Variants in GRIN2D observed in about 807,000 individuals in gnomAD.
The protein encoded by GRIN2D is glutamate ionotropic receptor NMDA type subunit 2D.
GRIN2D carries 37 observed loss-of-function variants against 103.2 expected under a neutral mutation model. The observed-to-expected ratio is 0.36, with a 90% CI of 0.28 to 0.47. The LOEUF (loss-of-function observed/expected upper bound fraction) is 0.47. Ranked by LOEUF, GRIN2D falls within the 20% of genes least tolerant of loss-of-function variation. The probability of loss-of-function intolerance (pLI) is 1.00; values close to 1 mark genes in which losing one functional copy is unlikely to be tolerated. For synonymous variants in GRIN2D, 845 were observed against 885.6 expected (o/e 0.95, Z 0.81); for missense variants, 1,557 against 1,910.6 (o/e 0.81, Z 3.45).
rs562311802 is a variant in GRIN2D at position 48,402,128 on chromosome 19, G to T, written c.466-2606G>T. Among the ~76,000 whole-genome samples, 17 of 132,304 alleles carry T rather than the reference G, an allele frequency of 1.3e-4. No homozygotes were observed. In the South Asian group the frequency reaches 2.6e-3, roughly 20 times the overall value. The allele number at this position is 132,304 out of a possible 152,430, so 86.8% of individuals were successfully genotyped here. On this transcript the variant is annotated intron_variant, in intron 3 of 13. Transcript: ENST00000263269. ...AGAGAAAGAGAAGGAAAGAAAGAAA[G>T]AAAGAAAGAAAGAAAGAAAGAAAGA...
chr19:48,441,694 G>A, intron 11 of GRIN2D, 75 bp from the exon 12 acceptor site: 1 of 1,228,042 alleles, frequency 8.1e-7, no homozygotes, highest in South Asian at 1.4e-5. Context: ...GAGGTTACAG[G>A]TGAGGAGGTT....
At chr19:48,401,550 G>A (rs1970710910) in intron 3 of GRIN2D, among the ~76,000 whole-genome samples, 1 of 152,194 alleles carries the variant, frequency 6.6e-6, no homozygotes, top group African/African-American at 2.4e-5. Context: ...GCAGGAAGGA[G>A]CTTGATGTAT....
chr19:48,419,539 T>C (rs745421918), intron 9 of GRIN2D, 46 bp from the exon 10 acceptor site: 6 of 1,470,672 alleles, frequency 4.1e-6, no homozygotes, highest in African/African-American at 2.8e-5. Flanking sequence ...CCCTTCCTTA[T>C]TGAGAAGGGA....
Position 48,394,705 on chromosome 19 carries a change from T to C in GRIN2D, c.-258T>C, listed in dbSNP as rs1970615212. Among the ~76,000 whole-genome samples, 1 of 152,038 alleles carries C rather than the reference T, an allele frequency of 6.6e-6. No individual in the cohort carries two copies. Among genetic ancestry groups the C allele is most frequent in the Admixed American group, 6.5e-5 (1 of 15,280 alleles). Reference sequence around the variant, plus strand: ...TCGCCTAGTCCAGGTGGCCGCAACCTTGGGGGAGAGACAGGGCAGGACAGG... The same window carrying C: ...TCGCCTAGTCCAGGTGGCCGCAACCCTGGGGGAGAGACAGGGCAGGACAGG... On this transcript the variant is annotated 5_prime_UTR_variant, in exon 2 of 14. Coordinates refer to ENST00000263269, the MANE Select transcript of GRIN2D (RefSeq NM_000836.4). This position sits in a 1 kb window ranked among gnomAD's most constrained non-coding sequence, Gnocchi z 5.1.
chr19:48,402,585 C>T (rs1013183116), intron 3 of GRIN2D, among the ~76,000 whole-genome samples: 3 of 151,054 alleles, frequency 2.0e-5, no homozygotes, highest in Non-Finnish European at 4.4e-5. Context: ...GGCGCAGTGG[C>T]GGGCGCCTGT....
In GRIN2D at chr19:48,442,024, A is replaced by G. The variant is rs2147475119; in HGVS notation, c.2440+68A>G. The stretch of plus-strand genomic sequence containing the variant: ...GCGAGGCCCCTGGGTTCCGGGGAAG[A>G]AAGGGACAAAGACCCGGACACCAGG... On this transcript the variant is annotated intron_variant, in intron 12 of 13. Transcript: ENST00000263269. This position sits in a 1 kb window ranked among gnomAD's most constrained non-coding sequence, Gnocchi z 7.2. 2.0e-6 allele frequency: 3 copies of G among 1,523,184 alleles called. No individual in the cohort carries two copies. The South Asian group carries it at 3.5e-5, about 18-fold the overall frequency. 94.4% of individuals were successfully genotyped at this position (1,523,184 alleles called of 1,614,324 possible). A position where few individuals can be genotyped will look rare whatever the true frequency, so the allele number is the denominator to read the frequency against.
At chr19:48,424,423 A>C (rs755952229) in intron 11 of GRIN2D, among the ~76,000 whole-genome samples, 99 of 150,792 alleles carry the variant, frequency 6.6e-4, no homozygotes, top group Non-Finnish European at 1.3e-3. Flanking sequence ...GGCGCCCACC[A>C]CCACGCCCAG....
chr19:48,408,106 G>A (rs896778007), intron 4 of GRIN2D, among the ~76,000 whole-genome samples: 20 of 152,068 alleles, frequency 1.3e-4, no homozygotes, highest in Admixed American at 5.2e-4. Flanking sequence ...AGGCCGAGGC[G>A]GGCGGATCAC....
chr19:48,404,270 G>A (rs944662322), intron 3 of GRIN2D, among the ~76,000 whole-genome samples: 9 of 150,420 alleles, frequency 6.0e-5, no homozygotes, highest in African/African-American at 2.2e-4. Context: ...CCAAACAGGT[G>A]TTCCTGATTG....
At position 48,419,612 on chromosome 19, in the gene GRIN2D, G is replaced by A; in HGVS notation, c.1889G>A (p.Gly630Glu). The A allele has an allele frequency of 1.2e-6, 2 of 1,613,586 alleles. No homozygotes were observed. Among genetic ancestry groups the A allele is most frequent in the Non-Finnish European group, 1.7e-6 (2 of 1,179,902 alleles). ...CCTGGCGGTTCAACCTTCACCATTG[G>A]GAAATCCATCTGGCTGCTCTGGGCC... ...KRPGGSTFTI[G>E]KSIWLLWALV... The change falls in exon 10 of 14, where the codon GGG becomes GAG. Residue 630 changes from glycine (G) to glutamate (E), a missense_variant. Gly to Glu is a moderately conservative substitution (Grantham distance 98). Coordinates refer to ENST00000263269, the MANE Select transcript of GRIN2D (RefSeq NM_000836.4).
rs138288378 is a variant in GRIN2D at position 48,394,181 on chromosome 19, CTGTG to C, written c.-306+323_-306+326del. Reference sequence around the variant, plus strand: ...CCTGGCCCCCATTAGACCCCCCACTCTGTGTGTGTGTGTCTGTGTGTGTGTCCCT... The same window carrying C: ...CCTGGCCCCCATTAGACCCCCCACTCTGTGTGTGTCTGTGTGTGTGTCCCT... On this transcript the variant is annotated intron_variant, in intron 1 of 13. Coordinates refer to ENST00000263269, the MANE Select transcript of GRIN2D (RefSeq NM_000836.4). The surrounding 1 kb of genome is among the most constrained non-coding windows in gnomAD (Gnocchi z 5.1). Among the ~76,000 whole-genome samples the C allele has an allele frequency of 2.0e-5, 3 of 151,556 alleles. No individual in the cohort carries two copies. In the East Asian group the frequency reaches 5.8e-4, roughly 29 times the overall value.
intron 11 of GRIN2D, among the ~76,000 whole-genome samples, chr19:48,432,893 T>C (rs1404704787): frequency 1.3e-4 from 19 of 146,510 alleles, no homozygotes; most frequent in African/African-American, 4.3e-4. Flanking sequence ...CGGGTTCAAG[T>C]GATTCTCCTG....
chr19:48,395,743 G>C (rs960294588), intron 2 of GRIN2D, among the ~76,000 whole-genome samples: 1 of 152,070 alleles, frequency 6.6e-6, no homozygotes, highest in African/African-American at 2.4e-5. Flanking sequence ...TCGGTGGGGG[G>C]GCACCCAGGA....
rs564870476 is a variant in GRIN2D, at chr19:48,394,320, G to A, written c.-305-338G>A. Among the ~76,000 whole-genome samples, 4 of 151,734 alleles carry A rather than the reference G, an allele frequency of 2.6e-5. No homozygotes were observed. The highest frequency in any genetic ancestry group is 9.7e-5 in the African/African-American group (4 of 41,328). On this transcript the variant is annotated intron_variant, in intron 1 of 13. Coordinates refer to ENST00000263269, the MANE Select transcript of GRIN2D (RefSeq NM_000836.4). This position sits in a 1 kb window ranked among gnomAD's most constrained non-coding sequence, Gnocchi z 5.1. ...TGTTTGAGAGTGGGGGAGTCAAGGG[G>A]GGGTCTAGAGGTGGCCAAGCGAGGA...
intron 7 of GRIN2D, among the ~76,000 whole-genome samples, 158 bp downstream of exon 7, chr19:48,415,190 G>A (rs1000396161): frequency 2.6e-5 from 4 of 152,152 alleles, no homozygotes; most frequent in African/African-American, 9.6e-5. Context: ...GGGCAAAACG[G>A]TGAAACCCCG....
Position 48,419,406 on chromosome 19 carries a change from A to C in GRIN2D, c.1861+47A>C, listed in dbSNP as rs779532285. 3.8e-6 allele frequency: 6 copies of C among 1,572,450 alleles called. No homozygotes were observed. The African/African-American group carries it at 5.5e-5, about 14-fold the overall frequency. ...CCCCGCCTCGGAGATCCCGAACCAC[A>C]GAGACAGAGAACTACATTTCCCAGC... On this transcript the variant is annotated intron_variant, in intron 9 of 13. Coordinates refer to ENST00000263269, the MANE Select transcript of GRIN2D (RefSeq NM_000836.4).
chr19:48,432,712 G>A (rs1971172575), intron 11 of GRIN2D, among the ~76,000 whole-genome samples: 1 of 151,596 alleles, frequency 6.6e-6, no homozygotes, highest in Admixed American at 6.6e-5. Flanking sequence ...TACCACCTTG[G>A]CCTCCAAAAG....
intron 8 of GRIN2D, 65 bp from the exon 9 acceptor site, chr19:48,419,169 G>T: frequency 6.6e-7 from 1 of 1,526,174 alleles, no homozygotes. Flanking sequence ...GTGAGGCACC[G>T]CCCCAGCCTG....
chr19:48,422,333 C>T (rs545852453), intron 11 of GRIN2D, among the ~76,000 whole-genome samples: 2 of 152,174 alleles, frequency 1.3e-5, no homozygotes, highest in Non-Finnish European at 2.9e-5. Context: ...TACTAGTAAG[C>T]CGGGCACGGT....
Sources: allele counts gnomAD v4.1 joint callset (sites outside exome capture counted in the v4.1 genomes callset), GRCh38; gene constraint gnomAD v4.1.1; non-coding constraint Gnocchi (gnomAD v3.1); transcripts MANE v1.5; gene names NCBI Gene and HGNC (gene_info 2026-07-23, HGNC 2026-07-21).